The following FGF14 variants were observed in gnomAD, a reference collection of about 807,000 sequenced individuals.
The protein encoded by FGF14 is fibroblast growth factor homologous factor 4.
Under a neutral mutation model 25.5 loss-of-function variants are expected in FGF14, and 5 were observed. The observed-to-expected ratio is 0.20, with a 90% CI of 0.10 to 0.41. The LOEUF is 0.41. Among genes scored for constraint, FGF14 ranks in the 10% least tolerant of loss-of-function variants. FGF14 has a pLI of 1.00. For synonymous variants in FGF14, 138 were observed against 118.3 expected (o/e 1.17, Z -1.08); for missense variants, 222 against 320.1 (o/e 0.69, Z 2.34).
intron 1 of FGF14, among the ~76,000 whole-genome samples, chr13:101,985,973 T>A (rs536190675): frequency 6.6e-6 from 1 of 152,270 alleles, no homozygotes; most frequent in South Asian, 2.1e-4. Context: ...TTTACATTTC[T>A]GATTCTTAAA....
intron 1 of FGF14, among the ~76,000 whole-genome samples, chr13:101,950,751 G>GTTTTTTTTTTTTTTTTTTT (rs61285721): frequency 2.3e-5 from 3 of 131,970 alleles, no homozygotes; most frequent in Non-Finnish European, 3.2e-5. Flanking sequence ...ACCTAATCAT[G>GTTTTTTTTTTTTTTTTTTT]TTTTTTTTTT....
chr13:102,082,304 GCAT>G (rs1025332792), intron 1 of FGF14, among the ~76,000 whole-genome samples: 1 of 148,910 alleles, frequency 6.7e-6, no homozygotes, highest in Non-Finnish European at 1.5e-5. Flanking sequence ...CTATTCCTTA[GCAT>G]TATAAAAAAA....
chr13:101,794,567 T>C (rs989411174), intron 3 of FGF14, among the ~76,000 whole-genome samples: 1 of 152,052 alleles, frequency 6.6e-6, no homozygotes, highest in South Asian at 2.1e-4. Flanking sequence ...CAGCTTGAAA[T>C]TTTTTTCCTG....
In FGF14 at chr13:101,923,091, T is replaced by C. The variant is rs1415598686; in HGVS notation, c.209-47795A>G. ...TCATTAAGCTATGTTATTTTATAGA[T>C]TATAATACGCATATGAATTCTAAAG... On this transcript the variant is annotated intron_variant, in intron 1 of 4. Coordinates refer to the FGF14 transcript ENST00000376131. Among the ~76,000 whole-genome samples, 3 of 152,074 alleles carry C rather than the reference T, an allele frequency of 2.0e-5. No homozygotes were observed. In the East Asian group the frequency reaches 5.8e-4, roughly 29 times the overall value.
chr13:102,021,056 G>A (rs73563694), intron 1 of FGF14, among the ~76,000 whole-genome samples: 4,819 of 152,074 alleles, frequency 0.032, 247 homozygotes, highest in African/African-American at 0.11. Flanking sequence ...TGACAAGCTA[G>A]GGGTATGACT....
intron 3 of FGF14, chr13:101,779,150 G>A (rs1161073404): frequency 6.6e-6 from 1 of 152,144 alleles, no homozygotes; most frequent in African/African-American, 2.4e-5. Context: ...TGAAATAAGT[G>A]ACTGAAAAGT....
intron 1 of FGF14, among the ~76,000 whole-genome samples, chr13:102,280,541 G>A (rs2141210318): frequency 6.6e-6 from 1 of 152,270 alleles, no homozygotes; most frequent in East Asian, 1.9e-4. Flanking sequence ...TTGATCATGT[G>A]GAAAAGGAGG....
chr13:102,245,490 AAAGGTTTCTAAATG>A lies in FGF14; in HGVS notation c.208+155967_208+155980del, dbSNP rs140442406. ...CTAGCATATAGGAGAGATTCAATAG[AAAGGTTTCTAAATG>A]AAGGAGTAAATTTATGAAATAAGTA... On this transcript the variant is annotated intron_variant, in intron 1 of 4. Transcript: ENST00000376131. Among the ~76,000 whole-genome samples, 1,138 of 152,174 alleles carry A rather than the reference AAAGGTTTCTAAATG, an allele frequency of 7.5e-3. 18 individuals carry two copies. Among genetic ancestry groups the A allele is most frequent in the African/African-American group, 0.026 (1,100 of 41,532 alleles).
intron 1 of FGF14, among the ~76,000 whole-genome samples, chr13:102,389,306 T>C (rs1804850546): frequency 6.6e-6 from 1 of 152,154 alleles, no homozygotes; most frequent in East Asian, 1.9e-4. Context: ...TGCAGATAAG[T>C]TTATCATATA....
intron 1 of FGF14, among the ~76,000 whole-genome samples, chr13:102,053,301 T>G (rs896049410): frequency 3.3e-5 from 5 of 152,098 alleles, no homozygotes; most frequent in African/African-American, 1.2e-4. Context: ...AACAATATGC[T>G]GCCTACAAGA....
chr13:102,187,817 G>A (rs372225773), intron 1 of FGF14, among the ~76,000 whole-genome samples: 3 of 152,206 alleles, frequency 2.0e-5, no homozygotes, highest in East Asian at 3.9e-4. Context: ...GCCCTTTTCC[G>A]CTATCAATTA....
intron 3 of FGF14, among the ~76,000 whole-genome samples, chr13:101,806,414 G>C (rs557548350): frequency 4.3e-5 from 6 of 140,644 alleles, no homozygotes; most frequent in African/African-American, 1.3e-4. Context: ...GCAAGACTCC[G>C]TCTAAGAAGA....
At chr13:101,928,828 C>T (rs2034550412) in intron 1 of FGF14, among the ~76,000 whole-genome samples, 1 of 137,166 alleles carries the variant, frequency 7.3e-6, no homozygotes, top group South Asian at 2.2e-4. Flanking sequence ...CTCTCCAGAG[C>T]ATTTCTGGAA....
intron 1 of FGF14, among the ~76,000 whole-genome samples, chr13:102,394,014 G>A (rs1466714484): frequency 6.6e-6 from 1 of 152,192 alleles, no homozygotes; most frequent in Non-Finnish European, 1.5e-5. Flanking sequence ...TAGAATATTA[G>A]AGCTGGGGCT....
intron 3 of FGF14, among the ~76,000 whole-genome samples, chr13:101,852,564 G>A (rs1279999984): frequency 6.6e-6 from 1 of 151,028 alleles, no homozygotes; most frequent in Non-Finnish European, 1.5e-5. Context: ...GTGGATTTTG[G>A]GGTAAGTGCT....
chr13:101,919,614 G>C (rs2033846620), upstream of FGF14, among the ~76,000 whole-genome samples: 1 of 151,874 alleles, frequency 6.6e-6, no homozygotes, highest in South Asian at 2.1e-4. Context: ...GGACCAGCCT[G>C]ACATTCAGCA....
intron 3 of FGF14, among the ~76,000 whole-genome samples, chr13:101,776,604 G>A (rs1349231560): frequency 6.6e-6 from 1 of 152,174 alleles, no homozygotes; most frequent in East Asian, 1.9e-4. Context: ...AAGGCAAGAA[G>A]AGCATAAGAA....
At chr13:101,725,221 G>A (rs1195162787) in intron 4 of FGF14, among the ~76,000 whole-genome samples, 2 of 151,996 alleles carry the variant, frequency 1.3e-5, no homozygotes, top group African/African-American at 2.4e-5. Context: ...TTTAAATATA[G>A]GTGAGTCCAA....
chr13:101,743,924 T>C (rs1241963416), intron 3 of FGF14, among the ~76,000 whole-genome samples: 1 of 152,118 alleles, frequency 6.6e-6, no homozygotes, highest in Non-Finnish European at 1.5e-5. Flanking sequence ...CTCAAAATTG[T>C]TTACAAATAT....
Sources: allele counts gnomAD v4.1 joint callset (sites outside exome capture counted in the v4.1 genomes callset), GRCh38; gene constraint gnomAD v4.1.1; transcripts MANE v1.5; gene names NCBI Gene and HGNC (gene_info 2026-07-23, HGNC 2026-07-21).